The following PRKCQ variants were observed in gnomAD, a reference collection of about 807,000 sequenced individuals.
The protein encoded by PRKCQ is protein kinase C theta.
In PRKCQ, 41 loss-of-function variants were observed where a neutral mutation model predicts 91.2. That is an observed-to-expected ratio of 0.45 (90% CI 0.35 to 0.58). The LOEUF is 0.58. PRKCQ is among the 20% of genes least tolerant of loss of function. The pLI is 0.00. For synonymous variants in PRKCQ, 307 were observed against 316.9 expected (o/e 0.97, Z 0.33); for missense variants, 673 against 896.5 (o/e 0.75, Z 3.18).
intron 8 of PRKCQ, among the ~76,000 whole-genome samples, chr10:6,490,631 G>A (rs534930624): frequency 6.6e-6 from 1 of 151,828 alleles, no homozygotes; most frequent in South Asian, 2.1e-4. Flanking sequence ...CATGGTCCCA[G>A]CTACTTGAGA....
intron 1 of PRKCQ, among the ~76,000 whole-genome samples, chr10:6,577,314 G>A (rs994237200): frequency 5.3e-5 from 8 of 152,162 alleles, no homozygotes; most frequent in Non-Finnish European, 8.8e-5. Context: ...TTTCACCATT[G>A]TAAGGAAACA....
intron 1 of PRKCQ, among the ~76,000 whole-genome samples, chr10:6,574,577 G>C (rs11819309): frequency 0.015 from 2,210 of 152,250 alleles, 66 homozygotes; most frequent in African/African-American, 0.05. Flanking sequence ...CCCAGCAATA[G>C]CCCACACACT....
At chr10:6,478,953 G>C (rs538626564) in intron 12 of PRKCQ, 39 bp downstream of exon 12, 2 of 1,609,314 alleles carry the variant, frequency 1.2e-6, no homozygotes, top group Admixed American at 1.7e-5. Flanking sequence ...GCTGAGACAG[G>C]TTAGAGGGGA....
At chr10:6,398,173 G>A in the PRKCQ span, among the ~76,000 whole-genome samples, 2 of 152,120 alleles carry the variant, frequency 1.3e-5, no homozygotes, top group Non-Finnish European at 2.9e-5. Flanking sequence ...CACCTTTGTT[G>A]AAAGTCGATG....
At position 6,428,303 on chromosome 10, in the gene PRKCQ, C is replaced by G. The variant is rs1246070192; in HGVS notation, c.2025G>C (p.Leu675=). ...DKEFLNEKPR[L]SFADRALINS... ...TGATCAGTGCTCTGTCGGCAAATGA[C>G]AGCCGGGGCTTCTCGTTTAAGAATT... Residue 675 remains leucine, a synonymous_variant, in exon 18 of 18, where the codon CTG becomes CTC. Transcript: ENST00000263125. 1 of 1,614,164 alleles carries G rather than the reference C, an allele frequency of 6.2e-7. No individual in the cohort carries two copies. The highest frequency in any genetic ancestry group is 2.2e-5 in the East Asian group (1 of 44,886).
At chr10:6,401,311 C>G in the PRKCQ span, among the ~76,000 whole-genome samples, 1 of 152,170 alleles carries the variant, frequency 6.6e-6, no homozygotes, top group African/African-American at 2.4e-5. Flanking sequence ...CCTTTGGGGT[C>G]TGTGTTTTCC....
At chr10:6,496,960 G>A (rs1195119307) in intron 7 of PRKCQ, 75 bp downstream of exon 7, 1 of 1,345,700 alleles carries the variant, frequency 7.4e-7, no homozygotes. Flanking sequence ...GCATTATTCT[G>A]AAGAATTCGT....
chr10:6,552,242 T>C (rs1018923217), intron 1 of PRKCQ, among the ~76,000 whole-genome samples: 5 of 152,214 alleles, frequency 3.3e-5, no homozygotes, highest in East Asian at 1.9e-4. Flanking sequence ...TACACAAATA[T>C]AAAAATAACT....
At chr10:6,491,849 T>G in intron 7 of PRKCQ, 37 bp from the exon 8 acceptor site, 1 of 1,613,790 alleles carries the variant, frequency 6.2e-7, no homozygotes. Context: ...TGTGTATTCC[T>G]GGGGCCCCGA....
chr10:6,563,942 T>G (rs1413635892), intron 1 of PRKCQ, among the ~76,000 whole-genome samples: 1 of 152,066 alleles, frequency 6.6e-6, no homozygotes, highest in Non-Finnish European at 1.5e-5. Context: ...ACACAGCCCG[T>G]GGGGGCCTTT....
At chr10:6,462,398 T>C (rs1291722076) in intron 13 of PRKCQ, 33 bp from the exon 14 acceptor site, 15 of 1,603,670 alleles carry the variant, frequency 9.4e-6, no homozygotes, top group East Asian at 8.9e-5. Context: ...TCAACATGAA[T>C]GTTGTCATGG....
chr10:6,476,940 C>T lies in PRKCQ; in HGVS notation c.1353+2052G>A, dbSNP rs1836297630. On this transcript the variant is annotated intron_variant, in intron 12 of 17. Transcript: ENST00000263125. ...TGTCCCTTTGCCTGCAGGTGACATACCTTCACCCTCCCAGGCCAATGGGTA... is the reference window on the plus strand; with the variant it reads ...TGTCCCTTTGCCTGCAGGTGACATATCTTCACCCTCCCAGGCCAATGGGTA... 2.6e-5 allele frequency among the ~76,000 whole-genome samples: 4 copies of T among 152,136 alleles called. No homozygotes were observed. The South Asian group carries it at 8.3e-4, about 32-fold the overall frequency.
At chr10:6,569,142 A>G (rs543609007) in intron 1 of PRKCQ, among the ~76,000 whole-genome samples, 12 of 152,288 alleles carry the variant, frequency 7.9e-5, no homozygotes, top group African/African-American at 2.6e-4. Flanking sequence ...TTATCCCACT[A>G]ATATTTACTG....
At chr10:6,564,229 A>G (rs142058753) in intron 1 of PRKCQ, among the ~76,000 whole-genome samples, 141 of 152,298 alleles carry the variant, frequency 9.3e-4, no homozygotes, top group African/African-American at 3.2e-3. Context: ...CGTTTCAGCA[A>G]GATCCTCTAC....
In PRKCQ at chr10:6,574,107, C is replaced by T. The variant is rs1841138617; in HGVS notation, c.-10+6104G>A. Among the ~76,000 whole-genome samples, 3 of 152,248 alleles carry T rather than the reference C, an allele frequency of 2.0e-5. No homozygotes were observed. In the Middle Eastern group the frequency reaches 0.01, roughly 518 times the overall value. ...CTCCAGCCTGGGCGACAGAGCAAGA[C>T]CCCGTAAAAAAAAATGCAAAGAGCC... On this transcript the variant is annotated intron_variant, in intron 1 of 17. Transcript: ENST00000263125.
chr10:6,470,714 C>A (rs1451219919), intron 12 of PRKCQ, among the ~76,000 whole-genome samples: 2 of 151,828 alleles, frequency 1.3e-5, no homozygotes, highest in East Asian at 3.9e-4. Context: ...ATTTTGGGAG[C>A]CTGAGGTGGG....
intron 15 of PRKCQ, among the ~76,000 whole-genome samples, chr10:6,450,972 C>T (rs202090910): frequency 2.0e-5 from 3 of 152,076 alleles, no homozygotes; most frequent in Non-Finnish European, 4.4e-5. Flanking sequence ...CAAGAGAAAG[C>T]AGGAAAAATC....
intron 1 of PRKCQ, among the ~76,000 whole-genome samples, chr10:6,547,287 C>G (rs372197849): frequency 1.6e-4 from 25 of 152,054 alleles, no homozygotes; most frequent in East Asian, 3.9e-4. Flanking sequence ...GAATCAATAT[C>G]GTGAAAATGG....
the PRKCQ span, among the ~76,000 whole-genome samples, chr10:6,394,121 T>C: frequency 6.6e-6 from 1 of 152,246 alleles, no homozygotes; most frequent in African/African-American, 2.4e-5. Flanking sequence ...TACTGCCATT[T>C]ATGTATGATG....
Sources: allele counts gnomAD v4.1 joint callset (sites outside exome capture counted in the v4.1 genomes callset), GRCh38; gene constraint gnomAD v4.1.1; transcripts MANE v1.5; gene names NCBI Gene and HGNC (gene_info 2026-07-23, HGNC 2026-07-21).